The following BLTP3A variants were observed in gnomAD, a reference collection of about 807,000 sequenced individuals.
BLTP3A encodes the protein bridge-like lipid transfer protein family member 3A, also known as ICBP90 binding protein 1.
chr6:34,867,867 TGAG>T, the BLTP3A span, among the ~76,000 whole-genome samples: 4 of 152,212 alleles, frequency 2.6e-5, no homozygotes, highest in Non-Finnish European at 5.9e-5. Context: ...AGCTTATAGA[TGAG>T]GACAGTGTCC....
the BLTP3A span, among the ~76,000 whole-genome samples, chr6:34,792,528 T>G: frequency 2.0e-5 from 3 of 152,166 alleles, no homozygotes; most frequent in Non-Finnish European, 4.4e-5. Flanking sequence ...CTGGCGCCGG[T>G]GCCGCTAGTC....
the BLTP3A span, chr6:34,836,187 C>G: frequency 6.2e-7 from 1 of 1,614,168 alleles, no homozygotes; most frequent in Non-Finnish European, 8.5e-7. Context: ...GCCCAGCAGT[C>G]CTGGGCCCAG....
the BLTP3A span, chr6:34,821,431 AG>A: frequency 6.6e-5 from 25 of 379,810 alleles, no homozygotes; most frequent in South Asian, 5.2e-4. Context: ...GTGTGGTCTG[AG>A]TGCATTTGTT....
chr6:34,834,768 A>C, the BLTP3A span: 1 of 1,614,200 alleles, frequency 6.2e-7, no homozygotes, highest in South Asian at 1.1e-5. Flanking sequence ...GAATTGAGGC[A>C]GATGCTACAG....
chr6:34,835,136 A>C, the BLTP3A span, among the ~76,000 whole-genome samples: 1 of 152,050 alleles, frequency 6.6e-6, no homozygotes, highest in Non-Finnish European at 1.5e-5. Flanking sequence ...AATTAAGGAA[A>C]CTTTAGTAGT....
chr6:34,813,294 T>A, the BLTP3A span, among the ~76,000 whole-genome samples: 1 of 152,234 alleles, frequency 6.6e-6, no homozygotes, highest in African/African-American at 2.4e-5. Flanking sequence ...GTCATTAAGC[T>A]TTTTGGCCAT....
the BLTP3A span, chr6:34,872,570 A>C: frequency 8.5e-7 from 1 of 1,182,972 alleles, no homozygotes; most frequent in Admixed American, 2.8e-5. Flanking sequence ...CACTCACTTC[A>C]CTTGTGTGGG....
the BLTP3A span, among the ~76,000 whole-genome samples, chr6:34,845,124 T>C: frequency 7.2e-5 from 11 of 152,214 alleles, no homozygotes; most frequent in Admixed American, 2.0e-4. Flanking sequence ...CTTTCCCCAA[T>C]GTATGTTCTA....
chr6:34,855,868 CA>C, the BLTP3A span: 1 of 985,292 alleles, frequency 1.0e-6, no homozygotes. Flanking sequence ...TGGAAACTTG[CA>C]GGTTCCACTA....
the BLTP3A span, among the ~76,000 whole-genome samples, chr6:34,842,231 C>T: frequency 6.6e-6 from 1 of 152,158 alleles, no homozygotes; most frequent in Non-Finnish European, 1.5e-5. Flanking sequence ...GATAATATCA[C>T]CCCAAACAGG....
the BLTP3A span, chr6:34,855,693 C>T: frequency 6.2e-7 from 1 of 1,613,678 alleles, no homozygotes. Context: ...ATTACCCTTT[C>T]CATTGGGCAG....
chr6:34,873,735 G>A, the BLTP3A span: 1 of 152,080 alleles, frequency 6.6e-6, no homozygotes, highest in Non-Finnish European at 1.5e-5. Context: ...CTAAAGTCTC[G>A]ACCATTCACC....
chr6:34,827,627 T>C, the BLTP3A span, among the ~76,000 whole-genome samples: 1 of 152,204 alleles, frequency 6.6e-6, no homozygotes, highest in African/African-American at 2.4e-5. Context: ...TGTTTTTGTT[T>C]GTTTGTTTTG....
At chr6:34,812,323 C>T in the BLTP3A span, among the ~76,000 whole-genome samples, 6 of 120,260 alleles carry the variant, frequency 5.0e-5, no homozygotes, top group East Asian at 2.4e-4. Flanking sequence ...AGCGAAACTC[C>T]GTCTTAAAAA....
At chr6:34,808,189 C>CAA in the BLTP3A span, among the ~76,000 whole-genome samples, 1 of 150,768 alleles carries the variant, frequency 6.6e-6, no homozygotes, top group Non-Finnish European at 1.5e-5. Flanking sequence ...ACTGAAAATA[C>CAA]CAAATTAGCT....
the BLTP3A span, chr6:34,821,784 C>T: frequency 6.2e-7 from 1 of 1,614,048 alleles, no homozygotes; most frequent in African/African-American, 1.3e-5. Context: ...TTAGCCATCA[C>T]TCGGGTCTAC....
chr6:34,817,763 T>A, the BLTP3A span, among the ~76,000 whole-genome samples: 204 of 152,176 alleles, frequency 1.3e-3, no homozygotes, highest in Non-Finnish European at 2.4e-3. Flanking sequence ...CTGAAAGCTG[T>A]CCTCTGTAAC....
chr6:34,851,301 T>G, the BLTP3A span, among the ~76,000 whole-genome samples: 2 of 152,136 alleles, frequency 1.3e-5, no homozygotes, highest in East Asian at 3.9e-4. Flanking sequence ...TCCCAAGTAT[T>G]CAAAAGGAAT....
At chr6:34,841,826 G>A in the BLTP3A span, among the ~76,000 whole-genome samples, 1 of 152,144 alleles carries the variant, frequency 6.6e-6, no homozygotes, top group Non-Finnish European at 1.5e-5. Flanking sequence ...TCAAACTGGA[G>A]CTCACATTTC....
Sources: allele counts gnomAD v4.1 joint callset (sites outside exome capture counted in the v4.1 genomes callset), GRCh38; gene constraint gnomAD v4.1.1; transcripts MANE v1.5; gene names NCBI Gene and HGNC (gene_info 2026-07-23, HGNC 2026-07-21).